The following LTBP1 variants were observed in gnomAD, a reference collection of about 807,000 sequenced individuals.
The protein encoded by LTBP1 is latent transforming growth factor beta binding protein 1.
Under a neutral mutation model 207.6 loss-of-function variants are expected in LTBP1, and 129 were observed. The ratio of observed to expected loss-of-function variants is 0.62; its 90% CI spans 0.54 to 0.72. LTBP1 has a LOEUF of 0.72. Ranked by LOEUF, LTBP1 falls within the 30% of genes least tolerant of loss-of-function variation. The pLI, the probability that LTBP1 is intolerant of heterozygous loss-of-function variation, is 0.00. For missense variants in LTBP1, 2,281 were observed against 2,217.2 expected (o/e 1.03, Z -0.58); for synonymous variants, 963 against 833.7 (o/e 1.16, Z -2.67).
At chr2:33,192,679 A>G (rs1255893070) in intron 7 of LTBP1, among the ~76,000 whole-genome samples, 1 of 152,232 alleles carries the variant, frequency 6.6e-6, no homozygotes, top group Non-Finnish European at 1.5e-5. Context: ...AAATTTGAAC[A>G]TGAGCTCTGT....
chr2:33,180,720 T>G (rs1207067264), intron 5 of LTBP1, among the ~76,000 whole-genome samples: 3 of 152,176 alleles, frequency 2.0e-5, no homozygotes, highest in African/African-American at 4.8e-5. Flanking sequence ...CCTCCCAAAG[T>G]GCTGGGATTA....
chr2:33,090,223 G>T (rs941616227), intron 3 of LTBP1, among the ~76,000 whole-genome samples: 3 of 152,178 alleles, frequency 2.0e-5, no homozygotes, highest in Admixed American at 6.5e-5. Flanking sequence ...GTAATTGGAC[G>T]GAGTGGGAAA....
intron 24 of LTBP1, among the ~76,000 whole-genome samples, chr2:33,329,395 T>TGAAC (rs1267986191): frequency 1.3e-5 from 2 of 152,160 alleles, no homozygotes; most frequent in Non-Finnish European, 2.9e-5. Context: ...ACTCAAGTTG[T>TGAAC]TAATTTTAAT....
At chr2:33,268,839 C>T (rs900885508) in intron 15 of LTBP1, among the ~76,000 whole-genome samples, 1 of 152,210 alleles carries the variant, frequency 6.6e-6, no homozygotes, top group Non-Finnish European at 1.5e-5. Context: ...CAAGCTTTCT[C>T]CATGGCTCTT....
intron 19 of LTBP1, among the ~76,000 whole-genome samples, chr2:33,290,591 T>G (rs1284733398): frequency 6.6e-6 from 1 of 152,208 alleles, no homozygotes; most frequent in African/African-American, 2.4e-5. Flanking sequence ...TAAAAGACTG[T>G]GGCAGTAACT....
intron 24 of LTBP1, among the ~76,000 whole-genome samples, chr2:33,319,504 G>A (rs2094322333): frequency 6.6e-6 from 1 of 152,134 alleles, no homozygotes. Context: ...GAAACTTAAT[G>A]GTAATCAGAT....
intron 24 of LTBP1, among the ~76,000 whole-genome samples, chr2:33,332,651 G>A (rs1253776303): frequency 6.6e-6 from 1 of 151,866 alleles, no homozygotes; most frequent in African/African-American, 2.4e-5. Context: ...CCACCTCCCG[G>A]GTTCACGCCA....
chr2:33,126,949 A>G (rs891713470), intron 4 of LTBP1, among the ~76,000 whole-genome samples: 1 of 152,274 alleles, frequency 6.6e-6, no homozygotes, highest in Non-Finnish European at 1.5e-5. Context: ...AAGTGCTTCA[A>G]CAGATTTTTG....
intron 3 of LTBP1, among the ~76,000 whole-genome samples, chr2:33,082,657 C>T (rs967111559): frequency 6.6e-6 from 1 of 152,002 alleles, no homozygotes; most frequent in African/African-American, 2.4e-5. Context: ...AATCTCCTGA[C>T]CTCGTGATCC....
intron 13 of LTBP1, among the ~76,000 whole-genome samples, chr2:33,260,639 G>A (rs1490264807): frequency 1.3e-5 from 2 of 152,172 alleles, no homozygotes. Flanking sequence ...TCCAGAAAGA[G>A]GTTATAGTAT....
chr2:33,381,797 G>A (rs1303558367), intron 31 of LTBP1, among the ~76,000 whole-genome samples: 3 of 152,106 alleles, frequency 2.0e-5, no homozygotes, highest in African/African-American at 4.8e-5. Context: ...GACAGCTGGG[G>A]AGTAGAAAGA....
At chr2:33,051,197 A>G (rs2076720581) in intron 3 of LTBP1, among the ~76,000 whole-genome samples, 1 of 152,142 alleles carries the variant, frequency 6.6e-6, no homozygotes, top group African/African-American at 2.4e-5. Flanking sequence ...GAAGAGAATC[A>G]TTTGAGGCCA....
intron 24 of LTBP1, among the ~76,000 whole-genome samples, chr2:33,338,414 C>T (rs1257994967): frequency 6.6e-6 from 1 of 152,200 alleles, no homozygotes; most frequent in South Asian, 2.1e-4. Context: ...CTTCAGGAAT[C>T]TGGACTGAAA....
chr2:33,240,157 T>C (rs1022006668), intron 9 of LTBP1, among the ~76,000 whole-genome samples: 1 of 152,210 alleles, frequency 6.6e-6, no homozygotes, highest in Non-Finnish European at 1.5e-5. Context: ...CATTCACCCA[T>C]CATGTTCCAT....
chr2:33,007,305 C>T (rs910883379), intron 2 of LTBP1, among the ~76,000 whole-genome samples: 1 of 152,162 alleles, frequency 6.6e-6, no homozygotes, highest in Non-Finnish European at 1.5e-5. Context: ...ATTTTAGCAT[C>T]AAAAATCTAT....
chr2:33,063,429 T>C (rs1243998378), intron 3 of LTBP1, among the ~76,000 whole-genome samples: 4 of 152,200 alleles, frequency 2.6e-5, no homozygotes, highest in Admixed American at 1.3e-4. Flanking sequence ...GCTCTCTTCT[T>C]TTATGGTAAA....
chr2:33,296,134 G>T (rs1348879237), intron 20 of LTBP1, among the ~76,000 whole-genome samples: 1 of 152,196 alleles, frequency 6.6e-6, no homozygotes, highest in Non-Finnish European at 1.5e-5. Context: ...GGTGGATGAG[G>T]ATCTCAAGCC....
At chr2:33,339,600 G>A (rs536131503) in intron 24 of LTBP1, among the ~76,000 whole-genome samples, 1 of 151,722 alleles carries the variant, frequency 6.6e-6, no homozygotes, top group Non-Finnish European at 1.5e-5. Context: ...TGTGTTTACT[G>A]TTGTAAGGGA....
At chr2:33,259,532 T>C (rs960113034) in intron 12 of LTBP1, 56 bp from the exon 13 acceptor site, 2 of 1,252,060 alleles carry the variant, frequency 1.6e-6, no homozygotes, top group African/African-American at 3.0e-5. Context: ...AATTGAAATA[T>C]AATAGACTGA....
Sources: gnomAD v4.1 joint callset for allele counts (sites outside exome capture counted in the v4.1 genomes callset) on GRCh38, gnomAD v4.1.1 for gene constraint, MANE v1.5 for transcripts, NCBI Gene and HGNC (gene_info 2026-07-23, HGNC 2026-07-21) for gene names.